ALG6: variants seen among roughly 807,000 people sequenced by gnomAD.
ALG6 encodes ALG6 alpha-1,3-glucosyltransferase.
Under a neutral mutation model 66.6 loss-of-function variants are expected in ALG6, and 46 were observed. That is an observed-to-expected ratio of 0.69 (90% CI 0.55 to 0.88). The LOEUF (loss-of-function observed/expected upper bound fraction) is 0.88. ALG6 is among the 40% of genes least tolerant of loss of function. The pLI is 0.00. For synonymous variants in ALG6, 185 were observed against 203.7 expected (o/e 0.91, Z 0.78); for missense variants, 505 against 586.8 (o/e 0.86, Z 1.44).
chr1:63,437,151 T>C lies in ALG6; in HGVS notation c.*131T>C. On this transcript the variant is annotated 3_prime_UTR_variant, in exon 15 of 15. Transcript: ENST00000263440. Reference sequence around the variant, plus strand: ...AACCATGGAACCACAGGAAAGGAAATGGTGAAAAGTCATTGTTGTCTACAC... The same window carrying C: ...AACCATGGAACCACAGGAAAGGAAACGGTGAAAAGTCATTGTTGTCTACAC... 1 of 817,032 alleles carries C rather than the reference T, an allele frequency of 1.2e-6. No homozygotes were observed. The highest frequency in any genetic ancestry group is 1.6e-5 in the South Asian group (1 of 61,766). The allele number at this position is 817,032 out of a possible 1,614,324, so 50.6% of individuals were successfully genotyped here. A position where few individuals can be genotyped will look rare whatever the true frequency, so the allele number is the denominator to read the frequency against.
Position 63,395,711 on chromosome 1 carries a change from T to G in ALG6, c.83-802T>G, listed in dbSNP as rs536722880. Among the ~76,000 whole-genome samples, 3 of 152,240 alleles carry G rather than the reference T, an allele frequency of 2.0e-5. No individual in the cohort carries two copies. The South Asian group carries it at 6.2e-4, about 32-fold the overall frequency. On this transcript the variant is annotated intron_variant, in intron 2 of 14. Transcript: ENST00000263440. ...CTCTGTCTCAAAAAAAAGTCCTTTATAAAATGCAGATACTCGTGTTACTAT... is the reference window on the plus strand; with the variant it reads ...CTCTGTCTCAAAAAAAAGTCCTTTAGAAAATGCAGATACTCGTGTTACTAT...
chr1:63,393,035 A>G (rs1648718384), intron 2 of ALG6, among the ~76,000 whole-genome samples: 1 of 152,220 alleles, frequency 6.6e-6, no homozygotes, highest in East Asian at 1.9e-4. Flanking sequence ...CAGAAAATCT[A>G]GATAGTTGGA....
intron 2 of ALG6, among the ~76,000 whole-genome samples, chr1:63,395,067 T>A (rs1366273552): frequency 6.7e-6 from 1 of 149,262 alleles, no homozygotes; most frequent in South Asian, 2.1e-4. Context: ...GGTTTCACCA[T>A]GTTGGTCAGG....
intron 5 of ALG6, among the ~76,000 whole-genome samples, chr1:63,405,828 CT>C (rs1315970787): frequency 6.6e-6 from 1 of 151,544 alleles, no homozygotes; most frequent in Non-Finnish European, 1.5e-5. Context: ...AATTGCTTTT[CT>C]TTTTTTAGGA....
At chr1:63,389,578 G>T (rs1648607217) in intron 2 of ALG6, among the ~76,000 whole-genome samples, 1 of 152,106 alleles carries the variant, frequency 6.6e-6, no homozygotes. Context: ...TTGGTTGCTG[G>T]TGCCTTATTA....
intron 2 of ALG6, among the ~76,000 whole-genome samples, chr1:63,395,116 G>A (rs1648781119): frequency 6.6e-6 from 1 of 151,632 alleles, no homozygotes; most frequent in Non-Finnish European, 1.5e-5. Flanking sequence ...TGCTCACCTC[G>A]GCCTCCCAAA....
intron 2 of ALG6, among the ~76,000 whole-genome samples, chr1:63,373,658 ATT>A (rs34012518): frequency 0.051 from 6,631 of 131,108 alleles, 195 homozygotes; most frequent in South Asian, 0.093. Context: ...TTTAATTTAC[ATT>A]TTTTTTTTTT....
intron 2 of ALG6, among the ~76,000 whole-genome samples, chr1:63,389,940 T>C (rs959100109): frequency 1.3e-5 from 2 of 152,224 alleles, no homozygotes; most frequent in East Asian, 1.9e-4. Context: ...AAATGGAGTC[T>C]GTCTCTCCAT....
In ALG6 at chr1:63,414,062, A is replaced by T; in HGVS notation, c.818A>T (p.Asp273Val). 6.2e-7 allele frequency: 1 copy of T among 1,607,606 alleles called. No individual in the cohort carries two copies. Residue 273 changes from aspartate to valine, a missense_variant and splice_region_variant, in exon 10 of 15, where the codon GAT (aspartate) becomes GTT (valine). By Grantham distance (152) the Asp-to-Val change is radical. Transcript: ENST00000263440. ...LFPVDRGLFE[D>V]KVANIWCSFN... Reference sequence around the variant, plus strand: ...TAAAGCTAACAAATCTCTTTTAAGGATAAAGTAGCCAATATTTGGTGCAGC... The same window carrying T: ...TAAAGCTAACAAATCTCTTTTAAGGTTAAAGTAGCCAATATTTGGTGCAGC...
At chr1:63,402,149 A>C in intron 3 of ALG6, 105 bp from the exon 4 acceptor site, 1 of 770,386 alleles carries the variant, frequency 1.3e-6, no homozygotes. Context: ...TAATTAGTAA[A>C]TTACATTATT....
intron 2 of ALG6, among the ~76,000 whole-genome samples, chr1:63,374,959 TA>T (rs1648068239): frequency 6.6e-6 from 1 of 152,094 alleles, no homozygotes; most frequent in Non-Finnish European, 1.5e-5. Flanking sequence ...CTTGTAATTC[TA>T]GCGCTTTGGG....
At position 63,437,150 on chromosome 1, in the gene ALG6, ATGGT is replaced by A. The variant is rs1427163608; in HGVS notation, c.*131_*134del. 5.9e-6 allele frequency: 5 copies of A among 840,600 alleles called. No individual in the cohort carries two copies. The highest frequency in any genetic ancestry group is 9.3e-6 in the Non-Finnish European group (5 of 535,184). The allele number at this position is 840,600 out of a possible 1,614,324, so 52.1% of individuals were successfully genotyped here. ...GAACCATGGAACCACAGGAAAGGAA[ATGGT>A]GAAAAGTCATTGTTGTCTACACAAA... On this transcript the variant is annotated 3_prime_UTR_variant, in exon 15 of 15. Coordinates refer to ENST00000263440, the MANE Select transcript of ALG6 (RefSeq NM_013339.4).
chr1:63,406,797 A>T (rs1644491608), intron 6 of ALG6, among the ~76,000 whole-genome samples: 1 of 152,068 alleles, frequency 6.6e-6, no homozygotes, highest in African/African-American at 2.4e-5. Flanking sequence ...TGACTTCTCC[A>T]GTTTGTGTAT....
At chr1:63,411,371 C>T (rs1351557627) in intron 8 of ALG6, 40 bp downstream of exon 8, 1 of 1,580,002 alleles carries the variant, frequency 6.3e-7, no homozygotes, top group East Asian at 2.3e-5. Context: ...AAATTTACTT[C>T]AGATAATTTT....
At chr1:63,410,740 T>C (rs879858128) in intron 7 of ALG6, among the ~76,000 whole-genome samples, 6 of 152,094 alleles carry the variant, frequency 3.9e-5, no homozygotes, top group Admixed American at 3.9e-4. Context: ...ATATATATAA[T>C]AGAGGAAGTG....
At chr1:63,406,283 A>T (rs1422695438) in intron 5 of ALG6, 34 bp from the exon 6 acceptor site, 1 of 1,569,410 alleles carries the variant, frequency 6.4e-7, no homozygotes, top group East Asian at 2.2e-5. Flanking sequence ...ATCCTGATGG[A>T]CTCATGTTTA....
At position 63,415,915 on chromosome 1, in the gene ALG6, A is replaced by T. The variant is rs761407734; in HGVS notation, c.945A>T (p.Lys315Asn). 1.9e-6 allele frequency: 3 copies of T among 1,612,140 alleles called. No individual in the cohort carries two copies. In the African/African-American group the frequency reaches 4.0e-5, roughly 22 times the overall value. ...TGAGCCTGCTTCCTGCATGCATAAAATTAATACTTCAGCCCTCTTCCAAAG... is the reference window on the plus strand; with the variant it reads ...TGAGCCTGCTTCCTGCATGCATAAATTTAATACTTCAGCCCTCTTCCAAAG... Reference protein sequence around the residue: ...TFLSLLPACIKLILQPSSKGF... With the variant: ...TFLSLLPACINLILQPSSKGF... Residue 315 changes from lysine (K) to asparagine (N), a missense_variant, in exon 11 of 15, where the codon AAA (lysine) becomes AAT (asparagine). Physicochemically the swap from Lys to Asn is moderately conservative, Grantham distance 94. Coordinates refer to ENST00000263440, the MANE Select transcript of ALG6 (RefSeq NM_013339.4).
intron 2 of ALG6, among the ~76,000 whole-genome samples, chr1:63,384,321 C>G (rs915807510): frequency 1.3e-5 from 2 of 151,976 alleles, no homozygotes; most frequent in Non-Finnish European, 2.9e-5. Flanking sequence ...GATCTTTTGC[C>G]CATTTTTTAA....
intron 14 of ALG6, chr1:63,429,446 A>G (rs1644634121): frequency 8.0e-6 from 2 of 248,596 alleles, no homozygotes; most frequent in African/African-American, 2.3e-5. Flanking sequence ...TGGACATTGC[A>G]TATAAATGGA....
Sources: gnomAD v4.1 joint callset for allele counts (sites outside exome capture counted in the v4.1 genomes callset) on GRCh38, gnomAD v4.1.1 for gene constraint, MANE v1.5 for transcripts, NCBI Gene and HGNC (gene_info 2026-07-23, HGNC 2026-07-21) for gene names.